Variants in CTNND1 observed in about 807,000 individuals in gnomAD.
The protein encoded by CTNND1 is catenin delta-1.
A neutral mutation model predicts 112.1 loss-of-function variants in CTNND1; 16 were observed. The observed-to-expected ratio is 0.14, with a 90% CI of 0.10 to 0.22. The LOEUF (loss-of-function observed/expected upper bound fraction) is 0.22, where lower values mean the gene tolerates loss of function less well. Ranked by LOEUF, CTNND1 falls within the 10% of genes least tolerant of loss-of-function variation. The pLI is 1.00. For missense variants in CTNND1, 1,008 were observed against 1,257.0 expected (o/e 0.80, Z 3.00); for synonymous variants, 420 against 446.5 (o/e 0.94, Z 0.75).
chr11:57,780,200 C>T (rs1173885543), intron 1 of CTNND1, among the ~76,000 whole-genome samples: 1 of 151,842 alleles, frequency 6.6e-6, no homozygotes, highest in Non-Finnish European at 1.5e-5. Context: ...ACTACAGGCA[C>T]ATGCCACCAC....
rs189718729 is a variant in CTNND1 at position 57,795,712 on chromosome 11, C to G, written c.403C>G (p.Arg135Gly). ...SVETSDDGTT[R>G]RTETTVKKVV... ...GGAGACCTCAGATGATGGGACCACT[C>G]GGCGCACAGAGACCACGGTAAACTA... Residue 135 changes from arginine (R) to glycine (G), a missense_variant, in exon 5 of 21, where the codon CGG (arginine) becomes GGG (glycine). By Grantham distance (125) the Arg-to-Gly change is moderately radical. Around this residue, in one of 5 missense-constraint regions of CTNND1, gnomAD observed 404 missense variants for 457.9 expected, o/e 0.88. Coordinates refer to ENST00000399050, the MANE Select transcript of CTNND1 (RefSeq NM_001085458.2). 1 of 1,599,566 alleles carries G rather than the reference C, an allele frequency of 6.3e-7. No homozygotes were observed. The highest frequency in any genetic ancestry group is 8.5e-7 in the Non-Finnish European group (1 of 1,175,452).
At chr11:57,800,654 A>G (rs1565348974) in intron 6 of CTNND1, among the ~76,000 whole-genome samples, 1 of 152,210 alleles carries the variant, frequency 6.6e-6, no homozygotes, top group Admixed American at 6.5e-5. Context: ...GTTGATGTTG[A>G]TACCTGTGAG....
In CTNND1 at chr11:57,804,656, C is replaced by G. The variant is rs1233148136; in HGVS notation, c.1605-7C>G. On this transcript the variant is annotated splice_polypyrimidine_tract_variant and splice_region_variant and intron_variant, in intron 8 of 20. Coordinates refer to ENST00000399050, the MANE Select transcript of CTNND1 (RefSeq NM_001085458.2). ...GAGTCATCTTGAAGCTTCTGGTTTCCCCTCAGGAATGTAAGCTCAGAGAGG... is the reference window on the plus strand; with the variant it reads ...GAGTCATCTTGAAGCTTCTGGTTTCGCCTCAGGAATGTAAGCTCAGAGAGG... 6.2e-7 allele frequency: 1 copy of G among 1,610,740 alleles called. No homozygotes were observed.
At chr11:57,792,674 G>A (rs1353621282) in intron 3 of CTNND1, among the ~76,000 whole-genome samples, 1 of 152,102 alleles carries the variant, frequency 6.6e-6, no homozygotes, top group Admixed American at 6.6e-5. Flanking sequence ...GGGACTACAG[G>A]CGTGTGCCAC....
In CTNND1 at chr11:57,817,004, T is replaced by A. The variant is rs1402077578; in HGVS notation, c.*696T>A. 1 of 153,788 alleles carries A rather than the reference T, an allele frequency of 6.5e-6. No individual in the cohort carries two copies. The highest frequency in any genetic ancestry group is 6.5e-5 in the Admixed American group (1 of 15,306). 9.5% of individuals were successfully genotyped at this position (153,788 alleles called of 1,614,324 possible). A position where few individuals can be genotyped will look rare whatever the true frequency, so the allele number is the denominator to read the frequency against. On this transcript the variant is annotated 3_prime_UTR_variant, in exon 21 of 21. Transcript: ENST00000399050. ...TGCAAGCCTCATGCCAACCCTGGGC[T>A]ATTGCTGCTGCCCCTTAAACACAGG...
At chr11:57,782,795 T>C (rs943848668) in intron 1 of CTNND1, among the ~76,000 whole-genome samples, 1 of 152,202 alleles carries the variant, frequency 6.6e-6, no homozygotes, top group Admixed American at 6.5e-5. Flanking sequence ...TGAGGAAGCA[T>C]AGAAAGAGTG....
At chr11:57,815,585 C>G in intron 19 of CTNND1, 85 bp downstream of exon 19, 1 of 1,157,898 alleles carries the variant, frequency 8.6e-7, no homozygotes, top group Non-Finnish European at 1.3e-6. Context: ...AAAAAAAGTA[C>G]AGAGAAAGAT....
intron 1 of CTNND1, chr11:57,764,141 G>C (rs1246625137): frequency 6.6e-6 from 1 of 152,150 alleles, no homozygotes; most frequent in Non-Finnish European, 1.5e-5. Context: ...AGGTAAGTAT[G>C]AGCTGTTCAG....
intron 18 of CTNND1, 62 bp downstream of exon 18, chr11:57,814,435 CT>C: frequency 1.1e-5 from 14 of 1,283,662 alleles, no homozygotes; most frequent in Middle Eastern, 1.8e-4. Flanking sequence ...GGAGAGCTGT[CT>C]AGCTCTATAG....
Position 57,806,486 on chromosome 11 carries a change from G to C in CTNND1, c.1894+8G>C. ...ATGAGTGGTTCTCCAGAGGTGAGTG[G>C]AGTCTTTTAAGGTGCTTATCTACTT... On this transcript the variant is annotated splice_region_variant and intron_variant, in intron 11 of 20. Coordinates refer to ENST00000399050, the MANE Select transcript of CTNND1 (RefSeq NM_001085458.2). The C allele has an allele frequency of 6.2e-7, 1 of 1,600,426 alleles. No individual in the cohort carries two copies. The highest frequency in any genetic ancestry group is 8.5e-7 in the Non-Finnish European group (1 of 1,172,602).
At chr11:57,793,870 T>G (rs533659884) in intron 3 of CTNND1, 140 bp from the exon 4 acceptor site, 1 of 739,036 alleles carries the variant, frequency 1.4e-6, no homozygotes, top group South Asian at 1.7e-5. Context: ...AATGGTTCTT[T>G]TATGAGTACT....
intron 3 of CTNND1, among the ~76,000 whole-genome samples, chr11:57,791,922 G>C (rs1300852830): frequency 6.6e-6 from 1 of 152,156 alleles, no homozygotes; most frequent in East Asian, 1.9e-4. Context: ...TAGGTTTTTT[G>C]GGGTGGGCTA....
intron 6 of CTNND1, among the ~76,000 whole-genome samples, chr11:57,797,458 C>T (rs1304760239): frequency 2.0e-5 from 3 of 147,150 alleles, no homozygotes; most frequent in South Asian, 2.1e-4. Flanking sequence ...CTCAAACTCC[C>T]GACCTCTGGT....
intron 1 of CTNND1, among the ~76,000 whole-genome samples, chr11:57,768,069 A>G (rs1392633833): frequency 6.6e-6 from 1 of 152,012 alleles, no homozygotes; most frequent in Non-Finnish European, 1.5e-5. Flanking sequence ...TCCTGACCTC[A>G]AATGATCCAC....
At chr11:57,772,077 A>G (rs1952795541) in intron 1 of CTNND1, among the ~76,000 whole-genome samples, 1 of 149,688 alleles carries the variant, frequency 6.7e-6, no homozygotes, top group Non-Finnish European at 1.5e-5. Context: ...ATGCACTACT[A>G]CACCCAGCTA....
At chr11:57,766,277 G>A (rs758695326) in intron 1 of CTNND1, among the ~76,000 whole-genome samples, 2 of 152,116 alleles carry the variant, frequency 1.3e-5, no homozygotes, top group Non-Finnish European at 2.9e-5. Context: ...TTCTGTGCTT[G>A]TTAATAAAAA....
chr11:57,777,773 TG>T (rs1222685969), intron 1 of CTNND1, among the ~76,000 whole-genome samples: 5 of 152,210 alleles, frequency 3.3e-5, no homozygotes, highest in African/African-American at 9.7e-5. Context: ...TGGAGGACTC[TG>T]CTGAGCATCT....
chr11:57,778,885 T>TTG (rs2059286475), intron 1 of CTNND1, among the ~76,000 whole-genome samples: 1 of 152,072 alleles, frequency 6.6e-6, no homozygotes, highest in South Asian at 2.1e-4. Context: ...AGAGCAGCCT[T>TTG]TGTGTGTCTA....
chr11:57,788,112 A>G lies in CTNND1; in HGVS notation c.-213-925A>G, dbSNP rs1361033561. On this transcript the variant is annotated intron_variant, in intron 1 of 20. Transcript: ENST00000399050. The surrounding 1 kb of genome is among the most constrained non-coding windows in gnomAD (Gnocchi z 4.1). ...CCTGTTGAAATTCAGTAACTGGAAG[A>G]ATCTCTTTTTGAGCTCAGAGTCCTC... Among the ~76,000 whole-genome samples, 6 of 152,222 alleles carry G rather than the reference A, an allele frequency of 3.9e-5. No individual in the cohort carries two copies. The highest frequency in any genetic ancestry group is 7.3e-5 in the Non-Finnish European group (5 of 68,040).
Sources: gnomAD v4.1 joint callset for allele counts (sites outside exome capture counted in the v4.1 genomes callset) on GRCh38, gnomAD v4.1.1 for gene constraint, gnomAD v4.1.1 regional missense constraint, Gnocchi (gnomAD v3.1) non-coding constraint, MANE v1.5 for transcripts, NCBI Gene and HGNC (gene_info 2026-07-23, HGNC 2026-07-21) for gene names.